Variants in NKAIN2 observed in about 807,000 individuals in gnomAD.
NKAIN2 encodes the protein sodium/potassium-transporting ATPase subunit beta-1-interacting protein 2.
NKAIN2 carries 14 observed loss-of-function variants against 32.6 expected under a neutral mutation model. The ratio of observed to expected loss-of-function variants is 0.43; its 90% CI spans 0.28 to 0.67. The LOEUF (loss-of-function observed/expected upper bound fraction) is 0.67, where lower values mean the gene tolerates loss of function less well. NKAIN2 is among the 30% of genes least tolerant of loss of function. NKAIN2 has a pLI of 0.17. For missense variants in NKAIN2, 198 were observed against 258.3 expected, an observed-to-expected ratio of 0.77 and a Z score of 1.60; for synonymous variants, 80 against 87.2, an observed-to-expected ratio of 0.92 and a Z score of 0.46.
chr6:123,928,360 A>G lies in NKAIN2; in HGVS notation c.54+124106A>G, dbSNP rs547172296. Among the ~76,000 whole-genome samples the G allele has an allele frequency of 3.9e-5, 6 of 152,276 alleles. No homozygotes were observed. The South Asian group carries it at 1.2e-3, about 32-fold the overall frequency. Reference sequence around the variant, plus strand: ...ACCCTAAACCTCAGCATCATACAATATACCCATTTGGTAAGCCTGCACATA... The same window carrying G: ...ACCCTAAACCTCAGCATCATACAATGTACCCATTTGGTAAGCCTGCACATA... On this transcript the variant is annotated intron_variant, in intron 1 of 6. Coordinates refer to ENST00000368417, the MANE Select transcript of NKAIN2 (RefSeq NM_001040214.3).
At chr6:124,205,441 C>T (rs1790822663) in intron 1 of NKAIN2, among the ~76,000 whole-genome samples, 1 of 151,698 alleles carries the variant, frequency 6.6e-6, no homozygotes, top group African/African-American at 2.4e-5. Context: ...CTTCCTCATG[C>T]ATTTCTGAAT....
intron 1 of NKAIN2, among the ~76,000 whole-genome samples, chr6:123,935,069 CTA>C (rs1196557514): frequency 7.1e-6 from 1 of 141,252 alleles, no homozygotes; most frequent in African/African-American, 2.6e-5. Flanking sequence ...ATATATATTT[CTA>C]TATATATATT....
chr6:124,222,862 A>G (rs1165280127), intron 1 of NKAIN2, among the ~76,000 whole-genome samples: 1 of 152,226 alleles, frequency 6.6e-6, no homozygotes, highest in Non-Finnish European at 1.5e-5. Flanking sequence ...GACAAGGACA[A>G]GAACACTTGT....
intron 1 of NKAIN2, among the ~76,000 whole-genome samples, chr6:124,007,116 A>G (rs1245495884): frequency 6.6e-6 from 1 of 152,210 alleles, no homozygotes; most frequent in East Asian, 1.9e-4. Context: ...ACCAGGCTAC[A>G]GATCTGTACA....
In NKAIN2 at chr6:124,824,620, T is replaced by G. The variant is rs761328468; in HGVS notation, c.*1391T>G. ...GGTTTTCATTAGTGGAAAACATAAT[T>G]AGCTCAGGCTTATCAGGAACTCAGA... On this transcript the variant is annotated 3_prime_UTR_variant, in exon 7 of 7. Transcript: ENST00000368417. The G allele has an allele frequency of 6.6e-6, 1 of 152,332 alleles. No homozygotes were observed. The highest frequency in any genetic ancestry group is 1.5e-5 in the Non-Finnish European group (1 of 68,020). The allele number at this position is 152,332 out of a possible 1,614,324, so 9.4% of individuals were successfully genotyped here. A position where few individuals can be genotyped will look rare whatever the true frequency, so the allele number is the denominator to read the frequency against.
chr6:124,553,063 T>C (rs1780348956), intron 3 of NKAIN2, among the ~76,000 whole-genome samples: 1 of 152,234 alleles, frequency 6.6e-6, no homozygotes, highest in African/African-American at 2.4e-5. Context: ...GAAATGTCTA[T>C]ACAATTCTTA....
intron 3 of NKAIN2, among the ~76,000 whole-genome samples, chr6:124,378,201 T>A (rs1267678351): frequency 6.6e-6 from 1 of 152,134 alleles, no homozygotes; most frequent in Non-Finnish European, 1.5e-5. Context: ...TTACTATTTG[T>A]CTGAGTCTGG....
chr6:124,051,978 G>T (rs1176919866), intron 1 of NKAIN2, among the ~76,000 whole-genome samples: 1 of 152,008 alleles, frequency 6.6e-6, no homozygotes, highest in Non-Finnish European at 1.5e-5. Context: ...CAGACTGCCT[G>T]GGAGGGGCCA....
chr6:124,822,476 G>C (rs967664337), intron 6 of NKAIN2, among the ~76,000 whole-genome samples: 2 of 152,168 alleles, frequency 1.3e-5, no homozygotes, highest in Non-Finnish European at 2.9e-5. Flanking sequence ...GGCTCCCACT[G>C]TTCCCAGCAA....
chr6:123,945,888 G>C (rs1777040005), intron 1 of NKAIN2, among the ~76,000 whole-genome samples: 1 of 152,142 alleles, frequency 6.6e-6, no homozygotes, highest in South Asian at 2.1e-4. Flanking sequence ...CACTATGGAT[G>C]ACTGAGCCTT....
intron 5 of NKAIN2, among the ~76,000 whole-genome samples, chr6:124,813,314 C>T (rs952996420): frequency 1.3e-5 from 2 of 152,092 alleles, no homozygotes; most frequent in Non-Finnish European, 1.5e-5. Context: ...GAATCTAATA[C>T]TGTAGATCCT....
At chr6:124,447,883 CTG>C (rs1328480525) in intron 3 of NKAIN2, among the ~76,000 whole-genome samples, 1 of 152,128 alleles carries the variant, frequency 6.6e-6, no homozygotes, top group African/African-American at 2.4e-5. Context: ...TCACCTTTCT[CTG>C]TGAAGTGCTG....
At chr6:124,283,469 T>A (rs1168911168) in intron 2 of NKAIN2, among the ~76,000 whole-genome samples, 3 of 152,210 alleles carry the variant, frequency 2.0e-5, no homozygotes, top group African/African-American at 7.2e-5. Context: ...TTAATGGAAA[T>A]TTTTTCTCAT....
intron 1 of NKAIN2, among the ~76,000 whole-genome samples, chr6:123,920,166 T>C (rs1223633092): frequency 6.6e-6 from 1 of 152,154 alleles, no homozygotes; most frequent in East Asian, 1.9e-4. Flanking sequence ...ATGCAGATTT[T>C]ATACATTTCT....
intron 3 of NKAIN2, among the ~76,000 whole-genome samples, chr6:124,630,738 T>C (rs1562294390): frequency 6.6e-6 from 1 of 151,948 alleles, no homozygotes; most frequent in Non-Finnish European, 1.5e-5. Flanking sequence ...TCTCTCTTTA[T>C]GGAAAATGAT....
chr6:124,016,796 A>T (rs1328230803), intron 1 of NKAIN2, among the ~76,000 whole-genome samples: 2 of 151,454 alleles, frequency 1.3e-5, no homozygotes, highest in Admixed American at 6.6e-5. Context: ...TTTACAAATT[A>T]AAAAAAAATC....
chr6:124,729,509 C>A (rs1467086754), intron 4 of NKAIN2, among the ~76,000 whole-genome samples: 1 of 151,196 alleles, frequency 6.6e-6, no homozygotes, highest in East Asian at 2.0e-4. Context: ...AATTCAACAA[C>A]CCTTCATGCT....
At chr6:124,163,603 T>C (rs1269453750) in intron 1 of NKAIN2, among the ~76,000 whole-genome samples, 10 of 152,062 alleles carry the variant, frequency 6.6e-5, no homozygotes, top group Non-Finnish European at 7.4e-5. Context: ...CAAAAGTCTC[T>C]GATGTCCGCA....
intron 1 of NKAIN2, among the ~76,000 whole-genome samples, chr6:124,231,747 A>G (rs802306): frequency 0.039 from 5,960 of 152,194 alleles, 173 homozygotes; most frequent in Non-Finnish European, 0.059. Context: ...TGGAACTGTA[A>G]GTTCATTAAA....
Sources: allele counts gnomAD v4.1 joint callset (sites outside exome capture counted in the v4.1 genomes callset), GRCh38; gene constraint gnomAD v4.1.1; transcripts MANE v1.5; gene names NCBI Gene and HGNC (gene_info 2026-07-23, HGNC 2026-07-21).